The following SUN1 variants were observed in gnomAD, a reference collection of about 807,000 sequenced individuals.
The protein encoded by SUN1 is SUN domain-containing protein 1.
A neutral mutation model predicts 103.2 loss-of-function variants in SUN1; 61 were observed. The ratio of observed to expected loss-of-function variants is 0.59; its 90% CI spans 0.48 to 0.73. The LOEUF (loss-of-function observed/expected upper bound fraction) is 0.73. Among genes scored for constraint, SUN1 ranks in the 30% least tolerant of loss-of-function variants. The pLI is 0.00. For missense variants in SUN1, 1,052 were observed against 1,034.6 expected (o/e 1.02, Z -0.23); for synonymous variants, 490 against 425.7 (o/e 1.15, Z -1.86).
intron 3 of SUN1, 69 bp from the exon 4 acceptor site, chr7:843,137 G>C: frequency 1.3e-6 from 2 of 1,590,526 alleles, no homozygotes; most frequent in Non-Finnish European, 1.7e-6. Flanking sequence ...TTTTTAATGG[G>C]TTTTGTTCTT....
chr7:837,739 C>G (rs1027817144), intron 1 of SUN1, among the ~76,000 whole-genome samples: 2 of 152,208 alleles, frequency 1.3e-5, no homozygotes, highest in Admixed American at 6.5e-5. Context: ...GGCCAGCATC[C>G]GTGTCCTCCT....
At chr7:843,680 C>A in intron 5 of SUN1, 160 bp downstream of exon 5, 1 of 1,474,116 alleles carries the variant, frequency 6.8e-7, no homozygotes, top group South Asian at 1.4e-5. Flanking sequence ...CCTTCCTGTC[C>A]TCTTCTAGTT....
chr7:823,869 A>G (rs1788776681), intron 1 of SUN1, among the ~76,000 whole-genome samples: 2 of 152,196 alleles, frequency 1.3e-5, no homozygotes, highest in Non-Finnish European at 2.9e-5. Context: ...AGCCTGCCTG[A>G]CATCCAGGCG....
chr7:835,037 C>T (rs1394394312), intron 1 of SUN1, among the ~76,000 whole-genome samples: 1 of 152,254 alleles, frequency 6.6e-6, no homozygotes, highest in East Asian at 1.9e-4. Context: ...GATCGCGCCA[C>T]TGCAGTCCAG....
intron 17 of SUN1, among the ~76,000 whole-genome samples, chr7:869,772 G>A (rs138841685): frequency 7.2e-4 from 109 of 152,274 alleles, no homozygotes; most frequent in Non-Finnish European, 1.1e-3. Context: ...GCTCCTCACC[G>A]CCCTTGCCAA....
intron 17 of SUN1, among the ~76,000 whole-genome samples, chr7:871,890 C>T (rs1343215688): frequency 1.3e-5 from 2 of 152,226 alleles, no homozygotes; most frequent in African/African-American, 4.8e-5. Flanking sequence ...AGTGCACAGT[C>T]CAGTGGCGTT....
At chr7:854,584 C>T (rs930586199) in intron 10 of SUN1, among the ~76,000 whole-genome samples, 17 of 152,324 alleles carry the variant, frequency 1.1e-4, no homozygotes, top group Non-Finnish European at 2.1e-4. Flanking sequence ...TGGGCTCTCA[C>T]GTGGTCTGGT....
At chr7:816,133 C>T (rs1465238214), upstream of SUN1, 1 of 298,988 alleles carries the variant, frequency 3.3e-6, no homozygotes, top group East Asian at 1.5e-4. Context: ...AGATGCAGAC[C>T]CCTCCCCAAC....
At chr7:831,273 C>CTT (rs66807442), upstream of SUN1, among the ~76,000 whole-genome samples, 53 of 136,182 alleles carry the variant, frequency 3.9e-4, no homozygotes, top group South Asian at 3.6e-3. Flanking sequence ...TTGAAACGTG[C>CTT]TTTTTTTTTT....
intron 1 of SUN1, among the ~76,000 whole-genome samples, chr7:836,497 C>T (rs991993840): frequency 6.6e-6 from 1 of 152,190 alleles, no homozygotes; most frequent in Non-Finnish European, 1.5e-5. Flanking sequence ...GCCCAAGACC[C>T]AGGAGAACCA....
upstream of SUN1, among the ~76,000 whole-genome samples, chr7:831,478 G>T (rs1219722129): frequency 1.3e-5 from 2 of 152,000 alleles, no homozygotes; most frequent in Non-Finnish European, 2.9e-5. Flanking sequence ...CACCGTGTTA[G>T]CGAGGATGGT....
At chr7:828,492 G>A (rs544775575), upstream of SUN1, among the ~76,000 whole-genome samples, 17 of 152,134 alleles carry the variant, frequency 1.1e-4, no homozygotes, top group East Asian at 1.9e-4. Flanking sequence ...CGCTGGCCTC[G>A]AACTCCTGAC....
At chr7:841,470 C>T (rs1439435065) in intron 2 of SUN1, among the ~76,000 whole-genome samples, 1 of 151,928 alleles carries the variant, frequency 6.6e-6, no homozygotes, top group Non-Finnish European at 1.5e-5. Context: ...TCTCGATCTC[C>T]TGACCTCGTG....
intron 5 of SUN1, 187 bp from the exon 6 acceptor site, chr7:851,197 G>A (rs1019854315): frequency 1.6e-4 from 75 of 476,296 alleles, no homozygotes; most frequent in Non-Finnish European, 6.5e-5. Context: ...CTTTTCAAAT[G>A]GTCATGTCAG....
chr7:857,345 A>G (rs778370217), intron 12 of SUN1, among the ~76,000 whole-genome samples: 6 of 152,174 alleles, frequency 3.9e-5, no homozygotes, highest in Non-Finnish European at 7.4e-5. Flanking sequence ...ACGTGTTAAT[A>G]TGTCAATCCT....
Position 860,250 on chromosome 7 carries a change from G to C in SUN1, c.1647G>C (p.Thr549=), listed in dbSNP as rs369056112. 4.3e-6 allele frequency: 7 copies of C among 1,614,266 alleles called. No homozygotes were observed. Among genetic ancestry groups the C allele is most frequent in the Non-Finnish European group, 5.9e-6 (7 of 1,180,052 alleles). Residue 549 remains threonine, a synonymous_variant, in exon 14 of 19, where the codon ACG becomes ACC. Transcript: ENST00000401592. ...SQFVSKGDLQ[T]MLRDLQLQIL... ...TTGTGAGCAAAGGCGACTTGCAGACGATGCTGCGAGACCTGCAGCTGCAGA... is the reference window on the plus strand; with the variant it reads ...TTGTGAGCAAAGGCGACTTGCAGACCATGCTGCGAGACCTGCAGCTGCAGA...
At chr7:825,272 C>G (rs1455055422) in intron 1 of SUN1, among the ~76,000 whole-genome samples, 1 of 152,184 alleles carries the variant, frequency 6.6e-6, no homozygotes, top group East Asian at 1.9e-4. Flanking sequence ...CTGTGTTAGT[C>G]AGGTTGGTCT....
chr7:854,224 G>A (rs912040967), intron 10 of SUN1, among the ~76,000 whole-genome samples: 2 of 152,216 alleles, frequency 1.3e-5, no homozygotes, highest in African/African-American at 2.4e-5. Flanking sequence ...TTCTTAAGCC[G>A]TCTTCCAGCA....
intron 1 of SUN1, among the ~76,000 whole-genome samples, chr7:819,855 C>T (rs1784386445): frequency 2.0e-5 from 3 of 152,174 alleles, no homozygotes; most frequent in East Asian, 3.9e-4. Context: ...ATTACAGGCG[C>T]CCGCCACCAC....
Sources: gnomAD v4.1 joint callset for allele counts (sites outside exome capture counted in the v4.1 genomes callset) on GRCh38, gnomAD v4.1.1 for gene constraint, MANE v1.5 for transcripts, NCBI Gene and HGNC (gene_info 2026-07-23, HGNC 2026-07-21) for gene names.